The following CCM2L variants were observed in gnomAD, a reference collection of about 807,000 sequenced individuals.
CCM2L encodes cerebral cavernous malformations 2 protein-like.
A neutral mutation model predicts 54.1 loss-of-function variants in CCM2L; 36 were observed. That is an observed-to-expected ratio of 0.67 (90% CI 0.51 to 0.88). CCM2L has a LOEUF of 0.88. Among genes scored for constraint, CCM2L ranks in the 40% least tolerant of loss-of-function variants. CCM2L has a pLI of 0.00. For synonymous variants in CCM2L, 351 were observed against 359.3 expected (o/e 0.98, Z 0.26); for missense variants, 700 against 812.1 (o/e 0.86, Z 1.68).
At position 32,031,166 on chromosome 20, in the gene CCM2L, A is replaced by G; in HGVS notation, c.1568A>G (p.Gln523Arg). The G allele has an allele frequency of 7.7e-7, 1 of 1,302,560 alleles. No individual in the cohort carries two copies. The highest frequency in any genetic ancestry group is 1.0e-6 in the Non-Finnish European group (1 of 988,468). The allele number at this position is 1,302,560 out of a possible 1,614,324, so 80.7% of individuals were successfully genotyped here. Residue 523 changes from glutamine to arginine, a missense_variant, in exon 10 of 10, where the codon CAG becomes CGG. Transcript: ENST00000452892. Reference protein sequence around the residue: ...SAVRSYDGAAQRPEAQAFHRL... With the variant: ...SAVRSYDGAARRPEAQAFHRL... Reference sequence around the variant, plus strand: ...GTGCGCAGCTACGATGGCGCGGCGCAGCGGCCCGAGGCACAGGCCTTCCAC... The same window carrying G: ...GTGCGCAGCTACGATGGCGCGGCGCGGCGGCCCGAGGCACAGGCCTTCCAC...
chr20:32,011,832 G>A (rs151057234), intron 1 of CCM2L, among the ~76,000 whole-genome samples: 48 of 151,974 alleles, frequency 3.2e-4, no homozygotes, highest in African/African-American at 1.0e-3. Context: ...ACAAGAATGA[G>A]GCAGATGGGG....
intron 5 of CCM2L, 74 bp from the exon 6 acceptor site, chr20:32,022,586 A>T (rs933966079): frequency 5.2e-5 from 81 of 1,555,290 alleles, no homozygotes; most frequent in Non-Finnish European, 6.9e-5. Flanking sequence ...ATCTTCACAC[A>T]CTGTTTTAGG....
chr20:32,029,449 A>C (rs1364386966), intron 8 of CCM2L, among the ~76,000 whole-genome samples: 1 of 152,194 alleles, frequency 6.6e-6, no homozygotes, highest in Non-Finnish European at 1.5e-5. Context: ...AGCATCATGG[A>C]GGTTGTCACC....
At chr20:32,010,548 A>T in intron 1 of CCM2L, 64 bp downstream of exon 1, 1 of 385,264 alleles carries the variant, frequency 2.6e-6, no homozygotes, top group Non-Finnish European at 4.2e-6. Flanking sequence ...AAGGGGGCAA[A>T]CTGGGGCGGG....
In CCM2L at chr20:32,025,768, G is replaced by C. The variant is rs2064853561; in HGVS notation, c.1070-88G>C. 3 of 959,070 alleles carry C rather than the reference G, an allele frequency of 3.1e-6. No individual in the cohort carries two copies. The South Asian group carries it at 4.1e-5, about 13-fold the overall frequency. 59.4% of individuals were successfully genotyped at this position (959,070 alleles called of 1,614,324 possible). On this transcript the variant is annotated intron_variant, in intron 6 of 9. Coordinates refer to ENST00000452892, the MANE Select transcript of CCM2L (RefSeq NM_001365692.1). ...TGTCAGAGGCAGGACTAGACTTCAG[G>C]CTGAGACTGAGGGTGGGGCCTCAGG...
chr20:32,022,640 TCTC>T lies in CCM2L; in HGVS notation c.934-12_934-10del. 3.1e-6 allele frequency: 5 copies of T among 1,613,160 alleles called. No homozygotes were observed. The highest frequency in any genetic ancestry group is 4.2e-6 in the Non-Finnish European group (5 of 1,179,496). On this transcript the variant is annotated splice_polypyrimidine_tract_variant and intron_variant, in intron 5 of 9. Transcript: ENST00000452892. Reference sequence around the variant, plus strand: ...GTCATTGGTGAGGACCTGAGCTCTCTCTCCTCCTCCCTGGGCCAGGACGCTGCA... The same window carrying T: ...GTCATTGGTGAGGACCTGAGCTCTCTCTCCTCCCTGGGCCAGGACGCTGCA...
chr20:32,026,828 A>G (rs996066876), intron 7 of CCM2L, among the ~76,000 whole-genome samples: 11 of 151,326 alleles, frequency 7.3e-5, no homozygotes, highest in Non-Finnish European at 1.6e-4. Flanking sequence ...GTGAGCTGAG[A>G]TTGCGCCACT....
intron 1 of CCM2L, among the ~76,000 whole-genome samples, chr20:32,010,974 G>A (rs1031411935): frequency 9.2e-5 from 14 of 152,162 alleles, no homozygotes; most frequent in African/African-American, 2.4e-4. Context: ...TATGTAAGGC[G>A]TCAGCCAGAA....
chr20:32,029,798 G>C lies in CCM2L; in HGVS notation c.1362G>C (p.Leu454=). The C allele has an allele frequency of 6.2e-7, 1 of 1,612,310 alleles. No homozygotes were observed. The highest frequency in any genetic ancestry group is 8.5e-7 in the Non-Finnish European group (1 of 1,178,998). The change falls in exon 9 of 10, where the codon CTG becomes CTC. Residue 454 remains leucine (L), a synonymous_variant. Coordinates refer to ENST00000452892, the MANE Select transcript of CCM2L (RefSeq NM_001365692.1). Reference sequence around the variant, plus strand: ...CCATCCAGGACTATTGCACAGGCCTGCTGAAGCTCTACGGAGACCGGCGCA... The same window carrying C: ...CCATCCAGGACTATTGCACAGGCCTCCTGAAGCTCTACGGAGACCGGCGCA... ...GLPIQDYCTG[L]LKLYGDRRKF...
chr20:32,018,913 C>T, intron 4 of CCM2L, 30 bp from the exon 5 acceptor site: 3 of 1,278,012 alleles, frequency 2.3e-6, no homozygotes, highest in East Asian at 3.2e-5. Flanking sequence ...TCCCGATCCC[C>T]GCGGCTGACG....
At chr20:32,022,910 C>T in intron 6 of CCM2L, 115 bp downstream of exon 6, 2 of 1,138,538 alleles carry the variant, frequency 1.8e-6, no homozygotes, top group Non-Finnish European at 2.5e-6. Context: ...TGATCTCTGC[C>T]ATAATTACAG....
At chr20:32,023,723 T>TTTG (rs377581830) in intron 6 of CCM2L, among the ~76,000 whole-genome samples, 2 of 152,134 alleles carry the variant, frequency 1.3e-5, no homozygotes, top group East Asian at 1.9e-4. Context: ...TTGGTTGGTT[T>TTTG]TTGTTGTTGT....
intron 2 of CCM2L, among the ~76,000 whole-genome samples, chr20:32,015,859 C>CTTTTTTTTTTTTTTTTTTTT (rs199989562): frequency 2.3e-5 from 3 of 127,924 alleles, no homozygotes; most frequent in African/African-American, 6.4e-5. Flanking sequence ...AGCTGTACTT[C>CTTTTTTTTTTTTTTTTTTTT]TTTTTTTTTT....
At chr20:32,018,799 G>A in intron 4 of CCM2L, 144 bp from the exon 5 acceptor site, 1 of 1,057,614 alleles carries the variant, frequency 9.5e-7, no homozygotes, top group Non-Finnish European at 1.2e-6. Flanking sequence ...AGTGGGCGGG[G>A]AACCGCCGCG....
intron 6 of CCM2L, among the ~76,000 whole-genome samples, chr20:32,025,459 G>A (rs1242455602): frequency 6.6e-6 from 1 of 152,000 alleles, no homozygotes; most frequent in Non-Finnish European, 1.5e-5. Context: ...GTAGAAATAA[G>A]GTCGCTCTAT....
At chr20:32,027,276 T>C (rs928821396) in intron 7 of CCM2L, among the ~76,000 whole-genome samples, 4 of 152,252 alleles carry the variant, frequency 2.6e-5, no homozygotes, top group African/African-American at 9.6e-5. Flanking sequence ...TTCTTTCCTT[T>C]TTAGTGGCAA....
At chr20:32,022,352 C>A (rs1470254203) in intron 5 of CCM2L, among the ~76,000 whole-genome samples, 1 of 152,142 alleles carries the variant, frequency 6.6e-6, no homozygotes, top group Non-Finnish European at 1.5e-5. Flanking sequence ...GCCTCCGTTT[C>A]CATATCTATA....
At chr20:32,025,953 C>T in intron 7 of CCM2L, 34 bp downstream of exon 7, 1 of 1,293,750 alleles carries the variant, frequency 7.7e-7, no homozygotes, top group South Asian at 1.2e-5. Flanking sequence ...CTCCACCCTG[C>T]TCCCCTACCC....
At chr20:32,030,855 G>A (rs912434258) in intron 9 of CCM2L, 146 bp from the exon 10 acceptor site, 1 of 492,932 alleles carries the variant, frequency 2.0e-6, no homozygotes, top group Non-Finnish European at 3.3e-6. Context: ...TTATTCGCTG[G>A]CTCAGACAGT....
Sources: allele counts gnomAD v4.1 joint callset (sites outside exome capture counted in the v4.1 genomes callset), GRCh38; gene constraint gnomAD v4.1.1; transcripts MANE v1.5; gene names NCBI Gene and HGNC (gene_info 2026-07-23, HGNC 2026-07-21).